VRTN: variants seen among roughly 807,000 people sequenced by gnomAD.
VRTN encodes vertebrae development associated.
A neutral mutation model predicts 18.2 loss-of-function variants in VRTN; 5 were observed. That is an observed-to-expected ratio of 0.27 (90% CI 0.14 to 0.58). The LOEUF is 0.58. VRTN is among the 20% of genes least tolerant of loss of function. The probability of loss-of-function intolerance (pLI) is 0.91; values close to 1 mark genes in which losing one functional copy is unlikely to be tolerated. For synonymous variants in VRTN, 381 were observed against 393.7 expected (o/e 0.97, Z 0.38); for missense variants, 741 against 939.4 (o/e 0.79, Z 2.76).
intron 1 of VRTN, among the ~76,000 whole-genome samples, chr14:74,313,155 G>A (rs967521938): frequency 6.6e-6 from 1 of 152,186 alleles, no homozygotes; most frequent in South Asian, 2.1e-4. Flanking sequence ...TCACACCTCA[G>A]TTATAGACAG....
chr14:74,350,124 G>C (rs1233912221), intron 1 of VRTN, among the ~76,000 whole-genome samples: 3 of 152,142 alleles, frequency 2.0e-5, no homozygotes, highest in African/African-American at 7.2e-5. Flanking sequence ...CAAAAAGACT[G>C]TTGCACCTGA....
chr14:74,321,692 C>T (rs1045168802), intron 1 of VRTN, among the ~76,000 whole-genome samples: 1 of 151,732 alleles, frequency 6.6e-6, no homozygotes, highest in East Asian at 1.9e-4. Flanking sequence ...TTAGTAGAGG[C>T]GGGGTTTCCC....
At chr14:74,336,127 G>A (rs962375397) in intron 1 of VRTN, among the ~76,000 whole-genome samples, 3 of 151,932 alleles carry the variant, frequency 2.0e-5, no homozygotes, top group African/African-American at 7.2e-5. Flanking sequence ...TAAAAAAGCT[G>A]GCCAGGTGCG....
intron 1 of VRTN, among the ~76,000 whole-genome samples, chr14:74,312,312 T>C (rs1019679579): frequency 1.3e-5 from 2 of 152,216 alleles, no homozygotes; most frequent in Non-Finnish European, 2.9e-5. Context: ...ATATTTTGTT[T>C]TTTAAAAGCA....
In VRTN at chr14:74,357,580, C is replaced by T. The variant is rs770542499; in HGVS notation, c.797C>T (p.Ser266Leu). 29 of 1,613,862 alleles carry T rather than the reference C, an allele frequency of 1.8e-5. No homozygotes were observed. The Middle Eastern group carries it at 4.9e-4, about 27-fold the overall frequency. Residue 266 changes from serine to leucine, a missense_variant, in exon 2 of 2, where the codon TCG becomes TTG. Physicochemically the swap from Ser to Leu is moderately radical, Grantham distance 145 (BLOSUM62 -2). Around this residue, in one of 3 missense-constraint regions of VRTN, gnomAD observed 494 missense variants for 546.5 expected, o/e 0.90. Transcript: ENST00000256362. This position sits in a 1 kb window ranked among gnomAD's most constrained non-coding sequence, Gnocchi z 7.8. ...PALPALAPLSSPAKTLELLNR... is the reference protein window; with the variant it reads ...PALPALAPLSLPAKTLELLNR... ...CTTCCAGCCCTGGCCCCACTCTCAT[C>T]GCCGGCCAAGACCCTGGAGCTGCTC... is the stretch of plus-strand genomic sequence containing the variant.
chr14:74,338,650 G>T (rs894123803), intron 2 of VRTN, among the ~76,000 whole-genome samples: 8 of 152,150 alleles, frequency 5.3e-5, no homozygotes, highest in Non-Finnish European at 1.0e-4. Flanking sequence ...AAACTCCTGG[G>T]CTCTAGTGAT....
At chr14:74,344,743 A>AAAAAAAAAAAAAAAAAAG (rs1425106645), upstream of VRTN, among the ~76,000 whole-genome samples, 2 of 146,514 alleles carry the variant, frequency 1.4e-5, no homozygotes, top group African/African-American at 5.4e-5. Flanking sequence ...TAAAAAAAAA[A>AAAAAAAAAAAAAAAAAAG]AAAATGAAAA....
intron 2 of VRTN, among the ~76,000 whole-genome samples, chr14:74,339,802 G>A (rs1380970108): frequency 2.0e-5 from 3 of 152,158 alleles, no homozygotes; most frequent in African/African-American, 7.2e-5. Context: ...CAACAGAGAA[G>A]ACCCTGTCTC....
At chr14:74,303,534 A>G (rs2085177481) in intron 1 of VRTN, among the ~76,000 whole-genome samples, 1 of 152,204 alleles carries the variant, frequency 6.6e-6, no homozygotes, top group Non-Finnish European at 1.5e-5. Context: ...CTGGGCGACA[A>G]AGAGAGACCC....
rs142945575 is a variant in VRTN, at chr14:74,358,877, C to T, written c.2094C>T (p.Thr698=). 20 of 1,609,476 alleles carry T rather than the reference C, an allele frequency of 1.2e-5. No individual in the cohort carries two copies. The African/African-American group carries it at 1.7e-4, about 14-fold the overall frequency. ...MWKRALYDGL[T]LVDG is the part of the protein sequence containing the mutation. ...AGCGAGCCCTCTATGACGGCCTGAC[C>T]CTGGTAGATGGCTGACAGGGAGGTA... The change falls in exon 2 of 2, where the codon ACC becomes ACT. Residue 698 remains threonine, a synonymous_variant. Coordinates refer to ENST00000256362, the MANE Select transcript of VRTN (RefSeq NM_018228.3). This position sits in a 1 kb window ranked among gnomAD's most constrained non-coding sequence, Gnocchi z 5.4.
intron 1 of VRTN, among the ~76,000 whole-genome samples, chr14:74,335,389 A>G (rs1480462424): frequency 6.6e-6 from 1 of 152,234 alleles, no homozygotes; most frequent in Admixed American, 6.5e-5. Context: ...CAGTAGGTCT[A>G]GAGGTGTCAA....
At chr14:74,327,098 A>G (rs1461152145) in intron 1 of VRTN, among the ~76,000 whole-genome samples, 1 of 152,124 alleles carries the variant, frequency 6.6e-6, no homozygotes, top group African/African-American at 2.4e-5. Context: ...TCCTTGGATT[A>G]GGTATCCTAG....
rs1278832851 is a variant in VRTN at position 74,357,762 on chromosome 14, G to C, written c.979G>C (p.Gly327Arg). ...KHFLQDSFHR[G>R]GVVPLQQFLQ... ...CTTCCTGCAGGACAGCTTCCACCGGGGGGGCGTCGTGCCACTTCAGCAGTT... is the reference window on the plus strand; with the variant it reads ...CTTCCTGCAGGACAGCTTCCACCGGCGGGGCGTCGTGCCACTTCAGCAGTT... Residue 327 changes from glycine to arginine, a missense_variant, in exon 2 of 2, where the codon GGG (glycine) becomes CGG (arginine). Transcript: ENST00000256362. The surrounding 1 kb of genome is among the most constrained non-coding windows in gnomAD (Gnocchi z 7.8). 4 of 1,613,032 alleles carry C rather than the reference G, an allele frequency of 2.5e-6. No homozygotes were observed. Among genetic ancestry groups the C allele is most frequent in the Non-Finnish European group, 3.4e-6 (4 of 1,180,044 alleles).
At chr14:74,346,017 A>G (rs1339987744), upstream of VRTN, among the ~76,000 whole-genome samples, 1 of 151,170 alleles carries the variant, frequency 6.6e-6, no homozygotes, top group African/African-American at 2.4e-5. Flanking sequence ...AAAAAGATGA[A>G]AATGGGCTGG....
intron 1 of VRTN, among the ~76,000 whole-genome samples, chr14:74,306,342 A>AT (rs1491431605): frequency 1.3e-5 from 2 of 150,088 alleles, no homozygotes; most frequent in African/African-American, 2.4e-5. Context: ...ATTAAAAAAA[A>AT]TTTTTTTTGT....
chr14:74,331,544 T>TTTTA (rs1287566275), intron 1 of VRTN, among the ~76,000 whole-genome samples: 7 of 43,486 alleles, frequency 1.6e-4, no homozygotes, highest in African/African-American at 3.9e-4. Context: ...AAAAAAAATT[T>TTTTA]TATATATATA....
At chr14:74,349,912 GA>G (rs926834459) in intron 1 of VRTN, among the ~76,000 whole-genome samples, 1 of 152,136 alleles carries the variant, frequency 6.6e-6, no homozygotes, top group African/African-American at 2.4e-5. Flanking sequence ...AAGAGGAGGG[GA>G]TGAGCCTGTG....
At chr14:74,320,561 CTCT>C (rs2085448727) in intron 1 of VRTN, among the ~76,000 whole-genome samples, 2 of 91,558 alleles carry the variant, frequency 2.2e-5, no homozygotes, top group African/African-American at 9.0e-5. Context: ...TGCGCCCGGC[CTCT>C]TTTTTTTTTT....
intron 1 of VRTN, among the ~76,000 whole-genome samples, chr14:74,320,399 T>C (rs998010793): frequency 2.0e-5 from 3 of 149,904 alleles, no homozygotes; most frequent in African/African-American, 4.9e-5. Flanking sequence ...AAGCTGGGAC[T>C]ACAGGCGCCC....
Sources: allele counts gnomAD v4.1 joint callset (sites outside exome capture counted in the v4.1 genomes callset), GRCh38; gene constraint gnomAD v4.1.1; regional missense constraint gnomAD v4.1.1; non-coding constraint Gnocchi (gnomAD v3.1); transcripts MANE v1.5; gene names NCBI Gene and HGNC (gene_info 2026-07-23, HGNC 2026-07-21).